CSMD1: variants seen among roughly 807,000 people sequenced by gnomAD.
CSMD1 encodes CUB and Sushi multiple domains 1.
Under a neutral mutation model 417.5 loss-of-function variants are expected in CSMD1, and 213 were observed. The observed-to-expected ratio is 0.51, with a 90% CI of 0.46 to 0.57. The LOEUF (loss-of-function observed/expected upper bound fraction) is 0.57, where lower values mean the gene tolerates loss of function less well. Among genes scored for constraint, CSMD1 ranks in the 20% least tolerant of loss-of-function variants. The pLI is 0.00. For missense variants in CSMD1, 6,923 were observed against 4,529.7 expected (o/e 1.53, Z -15.17); for synonymous variants, 2,862 against 1,736.8 (o/e 1.65, Z -16.11).
intron 44 of CSMD1, 37 bp from the exon 45 acceptor site, chr8:3,107,835 T>G: frequency 7.7e-7 from 1 of 1,296,684 alleles, no homozygotes; most frequent in South Asian, 1.3e-5. Context: ...ATAATTGCAA[T>G]TACACTTGCT....
intron 3 of CSMD1, among the ~76,000 whole-genome samples, chr8:4,348,882 CTGAT>C (rs1312568033): frequency 2.0e-5 from 3 of 152,124 alleles, no homozygotes; most frequent in African/African-American, 7.2e-5. Context: ...GTCTGTTGCT[CTGAT>C]TGAGTCATAA....
In CSMD1 at chr8:4,979,598, A is replaced by C. The variant is rs186738619; in HGVS notation, c.85+14734T>G. ...TTCCTTCAATGTATTTAAATCATTA[A>C]GAAATCTAAAAATGCAATTGTCTAA... On this transcript the variant is annotated intron_variant, in intron 1 of 69. Transcript: ENST00000635120. Among the ~76,000 whole-genome samples the C allele has an allele frequency of 1.1e-4, 16 of 152,378 alleles. No homozygotes were observed. In the East Asian group the frequency reaches 3.1e-3, roughly 29 times the overall value.
intron 7 of CSMD1, among the ~76,000 whole-genome samples, chr8:3,703,142 G>C (rs1307900246): frequency 2.0e-5 from 3 of 152,124 alleles, no homozygotes; most frequent in African/African-American, 7.2e-5. Flanking sequence ...TTACAAGCTG[G>C]TGAAAAAGGA....
chr8:3,193,806 C>T (rs1379771127), intron 33 of CSMD1, among the ~76,000 whole-genome samples: 1 of 152,134 alleles, frequency 6.6e-6, no homozygotes, highest in Non-Finnish European at 1.5e-5. Context: ...AATGTGTGCT[C>T]ATCTGTCGGG....
chr8:4,796,018 G>C (rs185074849), intron 1 of CSMD1, among the ~76,000 whole-genome samples: 140 of 152,208 alleles, frequency 9.2e-4, no homozygotes, highest in African/African-American at 3.2e-3. Flanking sequence ...TACAGCTAAG[G>C]GCAAGGCTTC....
intron 3 of CSMD1, among the ~76,000 whole-genome samples, chr8:4,331,408 G>T (rs1007710793): frequency 1.3e-5 from 2 of 152,140 alleles, no homozygotes; most frequent in Non-Finnish European, 2.9e-5. Context: ...TTCATGGTTA[G>T]TTGTCTTTCA....
At chr8:3,956,966 T>G (rs531056864) in intron 5 of CSMD1, among the ~76,000 whole-genome samples, 52 of 152,314 alleles carry the variant, frequency 3.4e-4, no homozygotes, top group Non-Finnish European at 6.3e-4. Context: ...TACGGAAAGG[T>G]TGGACCTGTT....
intron 3 of CSMD1, among the ~76,000 whole-genome samples, chr8:4,118,733 C>T (rs1304427261): frequency 6.6e-6 from 1 of 152,148 alleles, no homozygotes; most frequent in Non-Finnish European, 1.5e-5. Context: ...CCAGCAATCC[C>T]ATTACTGGGT....
intron 7 of CSMD1, among the ~76,000 whole-genome samples, chr8:3,647,424 A>C (rs1490166115): frequency 6.6e-6 from 1 of 152,254 alleles, no homozygotes; most frequent in Non-Finnish European, 1.5e-5. Context: ...GAAAAACAGC[A>C]TAAAGAGAAA....
intron 3 of CSMD1, among the ~76,000 whole-genome samples, chr8:4,214,854 G>A (rs558201858): frequency 6.6e-6 from 1 of 151,912 alleles, no homozygotes; most frequent in East Asian, 2.0e-4. Context: ...ATGACCACCA[G>A]GTTTAGATAG....
chr8:3,242,282 C>T (rs796259873), intron 26 of CSMD1, among the ~76,000 whole-genome samples: 5 of 150,838 alleles, frequency 3.3e-5, no homozygotes, highest in East Asian at 4.0e-4. Context: ...GGACCTAGCT[C>T]GGCCTGGGGA....
At chr8:4,893,308 G>A (rs895429517) in intron 1 of CSMD1, among the ~76,000 whole-genome samples, 1 of 151,958 alleles carries the variant, frequency 6.6e-6, no homozygotes, top group Admixed American at 6.6e-5. Context: ...TATATATTCT[G>A]TAGAGTAATC....
chr8:4,836,751 T>A (rs1334778317), intron 1 of CSMD1, among the ~76,000 whole-genome samples: 2 of 151,958 alleles, frequency 1.3e-5, no homozygotes, highest in Non-Finnish European at 2.9e-5. Flanking sequence ...GATATCAAAG[T>A]ACATGTCTCC....
chr8:3,601,148 T>C (rs1303322889), intron 8 of CSMD1, among the ~76,000 whole-genome samples: 2 of 152,146 alleles, frequency 1.3e-5, no homozygotes, highest in African/African-American at 4.8e-5. Context: ...CTCTGGCTTC[T>C]GAGATCTACC....
chr8:4,182,708 G>C (rs757640803), intron 3 of CSMD1, among the ~76,000 whole-genome samples: 2 of 151,862 alleles, frequency 1.3e-5, no homozygotes, highest in African/African-American at 2.4e-5. Flanking sequence ...CTTTAAGTTA[G>C]AAAGAAAAAG....
rs367609200 is a variant in CSMD1 at position 3,004,571 on chromosome 8, A to G, written c.8030-4440T>C. Among the ~76,000 whole-genome samples the G allele has an allele frequency of 2.0e-3, 302 of 152,334 alleles. 1 individual carries two copies. Among genetic ancestry groups the G allele is most frequent in the African/African-American group, 7.0e-3 (293 of 41,578 alleles). ...GTAAATTCATATGATTTTTAATCCA[A>G]TGTATATAGATAGACAATGTAAATA... On this transcript the variant is annotated intron_variant, in intron 52 of 69. Coordinates refer to ENST00000635120, the MANE Select transcript of CSMD1 (RefSeq NM_033225.6).
At chr8:4,165,577 G>C (rs370235184) in intron 3 of CSMD1, among the ~76,000 whole-genome samples, 22 of 152,116 alleles carry the variant, frequency 1.4e-4, no homozygotes, top group African/African-American at 4.8e-4. Context: ...AATTTTTAAA[G>C]TTATTTGTAG....
chr8:3,399,855 A>G (rs1373469380), intron 15 of CSMD1, among the ~76,000 whole-genome samples: 3 of 152,198 alleles, frequency 2.0e-5, no homozygotes, highest in African/African-American at 7.2e-5. Context: ...TATAGTTTAC[A>G]TGCATTTGGA....
intron 1 of CSMD1, among the ~76,000 whole-genome samples, chr8:4,923,065 AG>A (rs1208408919): frequency 1.3e-5 from 2 of 152,204 alleles, no homozygotes; most frequent in Non-Finnish European, 2.9e-5. Flanking sequence ...TTTCCAACTT[AG>A]GGGAACAATC....
Sources: allele counts gnomAD v4.1 joint callset (sites outside exome capture counted in the v4.1 genomes callset), GRCh38; gene constraint gnomAD v4.1.1; transcripts MANE v1.5; gene names NCBI Gene and HGNC (gene_info 2026-07-23, HGNC 2026-07-21).